Variants in SNX29 observed in about 807,000 individuals in gnomAD.
The protein encoded by SNX29 is sorting nexin 29.
A neutral mutation model predicts 102.1 loss-of-function variants in SNX29; 78 were observed. The ratio of observed to expected loss-of-function variants is 0.76; its 90% CI spans 0.64 to 0.92. The LOEUF is 0.92. SNX29 is among the 40% of genes least tolerant of loss of function. The pLI is 0.00. For missense variants in SNX29, 1,280 were observed against 1,061.7 expected (o/e 1.21, Z -2.86); for synonymous variants, 580 against 414.5 (o/e 1.40, Z -4.85).
intron 18 of SNX29, among the ~76,000 whole-genome samples, chr16:12,473,216 T>A (rs555097726): frequency 6.6e-6 from 1 of 152,362 alleles, no homozygotes; most frequent in South Asian, 2.1e-4. Flanking sequence ...ACAACTTAAT[T>A]TGCAGAGAAA....
chr16:12,384,293 C>T (rs561168897), intron 16 of SNX29, among the ~76,000 whole-genome samples: 1 of 152,276 alleles, frequency 6.6e-6, no homozygotes, highest in African/African-American at 2.4e-5. Context: ...TGAGAAACGT[C>T]CAAATTTTCT....
chr16:12,294,292 G>T (rs973144697), intron 15 of SNX29, among the ~76,000 whole-genome samples: 1 of 152,202 alleles, frequency 6.6e-6, no homozygotes. Flanking sequence ...TGAGGTGCCT[G>T]CTGTGATGGG....
intron 15 of SNX29, among the ~76,000 whole-genome samples, chr16:12,343,047 T>C (rs189484127): frequency 6.6e-6 from 1 of 152,384 alleles, no homozygotes; most frequent in Admixed American, 6.5e-5. Flanking sequence ...TTCTTTCATT[T>C]ACTGTCTTTC....
At chr16:12,347,247 C>G (rs962241455) in intron 15 of SNX29, among the ~76,000 whole-genome samples, 2 of 150,384 alleles carry the variant, frequency 1.3e-5, no homozygotes, top group Admixed American at 6.6e-5. Context: ...TCAGGATGAT[C>G]TGCCCCACAG....
At chr16:12,412,823 T>C (rs2084458605) in intron 18 of SNX29, among the ~76,000 whole-genome samples, 1 of 152,266 alleles carries the variant, frequency 6.6e-6, no homozygotes, top group Admixed American at 6.5e-5. Context: ...TTACTTTTTA[T>C]ATGAGAAAAT....
chr16:12,545,909 T>C (rs187690603), intron 20 of SNX29, among the ~76,000 whole-genome samples: 2 of 152,168 alleles, frequency 1.3e-5, no homozygotes, highest in African/African-American at 4.8e-5. Context: ...TGGAGCATTC[T>C]AGGTGTTCGG....
At chr16:12,094,424 G>C (rs188506269) in intron 11 of SNX29, among the ~76,000 whole-genome samples, 3 of 152,152 alleles carry the variant, frequency 2.0e-5, no homozygotes, top group Non-Finnish European at 4.4e-5. Context: ...CTGCAAATAG[G>C]TTGACCTGAT....
intron 19 of SNX29, among the ~76,000 whole-genome samples, chr16:12,505,829 A>G (rs1455033924): frequency 1.3e-5 from 2 of 151,214 alleles, no homozygotes; most frequent in East Asian, 1.9e-4. Context: ...CTGCCAGTCA[A>G]TTTGAGGAGT....
At chr16:12,425,759 A>G (rs1278417973) in intron 18 of SNX29, among the ~76,000 whole-genome samples, 1 of 152,080 alleles carries the variant, frequency 6.6e-6, no homozygotes. Flanking sequence ...CCAGCCAGGA[A>G]TTCATTTCTG....
chr16:12,021,869 G>A (rs1417375215), intron 3 of SNX29, among the ~76,000 whole-genome samples: 8 of 150,624 alleles, frequency 5.3e-5, no homozygotes, highest in Non-Finnish European at 1.2e-4. Flanking sequence ...CCAGCCTGGG[G>A]AACAGAGCGA....
chr16:12,372,544 G>A (rs1407759839), intron 16 of SNX29: 2 of 152,170 alleles, frequency 1.3e-5, no homozygotes, highest in Non-Finnish European at 2.9e-5. Flanking sequence ...TGCCCTGGAG[G>A]TTCATGAGGG....
chr16:12,512,612 G>A (rs1020971000), intron 19 of SNX29, among the ~76,000 whole-genome samples: 5 of 151,452 alleles, frequency 3.3e-5, no homozygotes, highest in Non-Finnish European at 5.9e-5. Context: ...AGCAGTACTC[G>A]AGGGAGACGA....
At chr16:12,231,832 TC>T (rs761188776) in intron 14 of SNX29, among the ~76,000 whole-genome samples, 2 of 152,300 alleles carry the variant, frequency 1.3e-5, no homozygotes, top group South Asian at 2.1e-4. Context: ...AAAACCTAGC[TC>T]CTTATATTTG....
chr16:12,218,748 TAGGTTGTTTCC>T (rs1386197204), intron 14 of SNX29, among the ~76,000 whole-genome samples: 1 of 152,156 alleles, frequency 6.6e-6, no homozygotes, highest in Admixed American at 6.5e-5. Context: ...AGATGGAATT[TAGGTTGTTTCC>T]AGGTTTTTAT....
chr16:11,982,936 C>T (rs956151215), intron 1 of SNX29, among the ~76,000 whole-genome samples: 1 of 151,720 alleles, frequency 6.6e-6, no homozygotes, highest in African/African-American at 2.4e-5. Flanking sequence ...TTTTAATTAA[C>T]GAATATTTTT....
chr16:12,226,795 C>G (rs1292311472), intron 14 of SNX29, among the ~76,000 whole-genome samples: 1 of 152,020 alleles, frequency 6.6e-6, no homozygotes, highest in Non-Finnish European at 1.5e-5. Context: ...CTAGGCTGGT[C>G]TCGAACTCCC....
intron 18 of SNX29, among the ~76,000 whole-genome samples, chr16:12,465,605 C>T (rs577365440): frequency 6.6e-6 from 1 of 152,074 alleles, no homozygotes; most frequent in East Asian, 1.9e-4. Context: ...CGATTACTGT[C>T]GTTTTGTAGT....
intron 4 of SNX29, among the ~76,000 whole-genome samples, chr16:12,034,629 G>T (rs1235818586): frequency 2.0e-5 from 3 of 152,248 alleles, no homozygotes; most frequent in Non-Finnish European, 4.4e-5. Flanking sequence ...TTACTAAGGG[G>T]TATGAATGTG....
At chr16:12,210,195 GC>G (rs2077146517) in intron 14 of SNX29, among the ~76,000 whole-genome samples, 1 of 152,196 alleles carries the variant, frequency 6.6e-6, no homozygotes, top group South Asian at 2.1e-4. Context: ...GTCAGGGCCA[GC>G]CACTGCTGTC....
Sources: gnomAD v4.1 joint callset for allele counts (sites outside exome capture counted in the v4.1 genomes callset) on GRCh38, gnomAD v4.1.1 for gene constraint, MANE v1.5 for transcripts, NCBI Gene and HGNC (gene_info 2026-07-23, HGNC 2026-07-21) for gene names.